The following CACNA1A variants were observed in gnomAD, a reference collection of about 807,000 sequenced individuals.
CACNA1A encodes the protein voltage-dependent P/Q-type calcium channel subunit alpha-1A.
In CACNA1A, 57 loss-of-function variants were observed where a neutral mutation model predicts 262.4. That is an observed-to-expected ratio of 0.22 (90% CI 0.18 to 0.27). The LOEUF is 0.27. CACNA1A is among the 10% of genes least tolerant of loss of function. The pLI is 1.00. For synonymous variants in CACNA1A, 1,431 were observed against 1,419.3 expected (o/e 1.01, Z -0.18); for missense variants, 2,526 against 3,562.8 (o/e 0.71, Z 7.41).
At position 13,298,481 on chromosome 19, in the gene CACNA1A, C is replaced by T; in HGVS notation, c.3089+63G>A. 5.7e-6 allele frequency: 8 copies of T among 1,392,310 alleles called. No individual in the cohort carries two copies. The South Asian group carries it at 1.0e-4, about 17-fold the overall frequency. The allele number at this position is 1,392,310 out of a possible 1,614,324, so 86.2% of individuals were successfully genotyped here. A position where few individuals can be genotyped will look rare whatever the true frequency, so the allele number is the denominator to read the frequency against. On this transcript the variant is annotated intron_variant, in intron 19 of 46. Transcript: ENST00000360228. ...ATAAACAAATACACAGCACGTGCTA[C>T]TTTGGCTGTTGTCATTATTAATGTT...
intron 1 of CACNA1A, among the ~76,000 whole-genome samples, chr19:13,502,574 A>G (rs748094910): frequency 6.6e-6 from 1 of 152,230 alleles, no homozygotes; most frequent in Non-Finnish European, 1.5e-5. Flanking sequence ...TCACAATTCC[A>G]GTCAATGAAA....
intron 1 of CACNA1A, among the ~76,000 whole-genome samples, chr19:13,455,603 A>C (rs2060991634): frequency 6.6e-6 from 1 of 152,208 alleles, no homozygotes; most frequent in South Asian, 2.1e-4. Context: ...ATACTATGCT[A>C]TACAGTACAC....
chr19:13,228,849 T>A, intron 36 of CACNA1A: 1 of 1,029,104 alleles, frequency 9.7e-7, no homozygotes, highest in Non-Finnish European at 1.5e-6. Flanking sequence ...ACGGGCTCCC[T>A]GGGCACACAG....
At chr19:13,436,516 C>T (rs145470451) in intron 3 of CACNA1A, among the ~76,000 whole-genome samples, 1 of 151,994 alleles carries the variant, frequency 6.6e-6, no homozygotes, top group African/African-American at 2.4e-5. Context: ...TTAATTCACT[C>T]ATTCATTCAT....
At chr19:13,347,809 G>C (rs2058820133) in intron 6 of CACNA1A, among the ~76,000 whole-genome samples, 1 of 152,202 alleles carries the variant, frequency 6.6e-6, no homozygotes, top group South Asian at 2.1e-4. Flanking sequence ...CTAATGCTTT[G>C]ATTTTGGTCA....
At chr19:13,494,529 A>G (rs1028169991) in intron 1 of CACNA1A, among the ~76,000 whole-genome samples, 2 of 152,174 alleles carry the variant, frequency 1.3e-5, no homozygotes, top group Non-Finnish European at 2.9e-5. Context: ...GAAGGTAGAC[A>G]ATGAAAGAGA....
chr19:13,307,487 G>T (rs935349771), intron 15 of CACNA1A: 23 of 301,302 alleles, frequency 7.6e-5, no homozygotes, highest in African/African-American at 1.3e-4. Flanking sequence ...GCCCACCTGG[G>T]CTTCCCAAAG....
intron 30 of CACNA1A, among the ~76,000 whole-genome samples, chr19:13,247,771 T>C (rs1050271603): frequency 3.9e-5 from 6 of 151,902 alleles, no homozygotes; most frequent in African/African-American, 7.3e-5. Flanking sequence ...ACTGGCACTT[T>C]TGGCATTTTG....
chr19:13,460,929 C>T (rs1176277343), intron 1 of CACNA1A, among the ~76,000 whole-genome samples: 5 of 152,090 alleles, frequency 3.3e-5, no homozygotes, highest in African/African-American at 7.2e-5. Context: ...ATCTTGTTCC[C>T]TGTCTCTCCC....
chr19:13,331,483 C>A (rs10405803), intron 9 of CACNA1A, among the ~76,000 whole-genome samples: 35 of 151,958 alleles, frequency 2.3e-4, no homozygotes, highest in Admixed American at 1.0e-3. Flanking sequence ...GTGATCCACC[C>A]GCCTTGGCCT....
chr19:13,339,643 G>A (rs922683345), intron 6 of CACNA1A, among the ~76,000 whole-genome samples: 4 of 151,978 alleles, frequency 2.6e-5, no homozygotes, highest in African/African-American at 4.8e-5. Flanking sequence ...TGAGCACTAC[G>A]CATTATATGC....
At chr19:13,306,781 C>A (rs1252964518) in intron 15 of CACNA1A, among the ~76,000 whole-genome samples, 1 of 152,140 alleles carries the variant, frequency 6.6e-6, no homozygotes, top group Non-Finnish European at 1.5e-5. Flanking sequence ...TGCCCCAGAG[C>A]CCACTGAAAT....
Position 13,214,401 on chromosome 19 carries a change from T to G in CACNA1A, c.5840-68A>C. 1 of 1,560,852 alleles carries G rather than the reference T, an allele frequency of 6.4e-7. No homozygotes were observed. Among genetic ancestry groups the G allele is most frequent in the Non-Finnish European group, 8.8e-7 (1 of 1,136,276 alleles). ...TTGGGGCCCTTGTCCTGGGTCCCTG[T>G]GTATACCAGCCCAGGCCAACACTCT... On this transcript the variant is annotated intron_variant, in intron 39 of 46. Coordinates refer to ENST00000360228, the MANE Select transcript of CACNA1A (RefSeq NM_001127222.2). This position sits in a 1 kb window ranked among gnomAD's most constrained non-coding sequence, Gnocchi z 4.1.
intron 8 of CACNA1A, chr19:13,334,105 T>C: frequency 2.4e-6 from 1 of 413,938 alleles, no homozygotes; most frequent in Non-Finnish European, 4.4e-6. Context: ...TACAGGGATG[T>C]GTGGTGCATG....
At position 13,300,597 on chromosome 19, in the gene CACNA1A, C is replaced by T. The variant is rs2144964550; in HGVS notation, c.2232G>A (p.Glu744=). The T allele has an allele frequency of 1.3e-5, 21 of 1,613,924 alleles. No individual in the cohort carries two copies. The highest frequency in any genetic ancestry group is 1.7e-5 in the Non-Finnish European group (20 of 1,179,866). ...CGGACAGAGGACTCACTTCTGCCAC[C>T]TCCTTGGCTTTCTGTAGGGCAAGTT... ...NQKLALQKAK[E]VAEVSPLSAA... The change falls in exon 18 of 47, where the codon GAG becomes GAA. Residue 744 remains glutamate, a synonymous_variant. Transcript: ENST00000360228.
intron 3 of CACNA1A, among the ~76,000 whole-genome samples, chr19:13,377,095 G>A (rs2144587427): frequency 6.6e-6 from 1 of 152,014 alleles, no homozygotes; most frequent in South Asian, 2.1e-4. Flanking sequence ...GGGTAGCTGG[G>A]ATTACAGGCA....
chr19:13,452,812 C>A (rs1789733594), intron 3 of CACNA1A, 64 bp downstream of exon 3: 8 of 1,536,010 alleles, frequency 5.2e-6, no homozygotes, highest in Non-Finnish European at 7.1e-6. Context: ...CCGGACCACA[C>A]CAACCAAAAG....
intron 1 of CACNA1A, among the ~76,000 whole-genome samples, chr19:13,492,370 T>C (rs1290218954): frequency 6.6e-6 from 1 of 152,172 alleles, no homozygotes; most frequent in African/African-American, 2.4e-5. Flanking sequence ...TCACTTTCAC[T>C]TATCTGATTG....
chr19:13,290,380 ATGTG>A (rs1431670597), intron 19 of CACNA1A, among the ~76,000 whole-genome samples: 1 of 150,248 alleles, frequency 6.7e-6, no homozygotes, highest in Non-Finnish European at 1.5e-5. Context: ...ATCATCTGTA[ATGTG>A]TGTGTGTGTC....
Sources: allele counts gnomAD v4.1 joint callset (sites outside exome capture counted in the v4.1 genomes callset), GRCh38; gene constraint gnomAD v4.1.1; non-coding constraint Gnocchi (gnomAD v3.1); transcripts MANE v1.5; gene names NCBI Gene and HGNC (gene_info 2026-07-23, HGNC 2026-07-21).